Variants in FOCAD observed in about 807,000 individuals in gnomAD.
FOCAD encodes the protein focadhesin.
A neutral mutation model predicts 225.6 loss-of-function variants in FOCAD; 198 were observed. The ratio of observed to expected loss-of-function variants is 0.88; its 90% CI spans 0.78 to 0.99. The LOEUF (loss-of-function observed/expected upper bound fraction) is 0.99, where lower values mean the gene tolerates loss of function less well. FOCAD is among the 50% of genes least tolerant of loss of function. FOCAD has a pLI of 0.00. For synonymous variants in FOCAD, 897 were observed against 755.0 expected, an observed-to-expected ratio of 1.19 and a Z score of -3.08; for missense variants, 2,713 against 2,123.6, an observed-to-expected ratio of 1.28 and a Z score of -5.46.
chr9:20,915,217 C>T lies in FOCAD; in HGVS notation c.2808-1676C>T, dbSNP rs539679508. On this transcript the variant is annotated intron_variant, in intron 23 of 43. Coordinates refer to ENST00000338382, the MANE Select transcript of FOCAD (RefSeq NM_001375567.1). ...CTAGAGAGGTGAATTTAGGAAACAT[C>T]AGCATATTGATGGCATTTAAAATCA... Among the ~76,000 whole-genome samples the T allele has an allele frequency of 5.3e-4, 80 of 152,172 alleles. 1 individual carries two copies. The highest frequency in any genetic ancestry group is 1.9e-3 in the African/African-American group (77 of 41,526).
chr9:20,856,966 T>A (rs1165426634), intron 15 of FOCAD, among the ~76,000 whole-genome samples: 2 of 142,464 alleles, frequency 1.4e-5, no homozygotes, highest in East Asian at 4.2e-4. Context: ...TTTATGCCAA[T>A]ACCATGCTGT....
intron 18 of FOCAD, among the ~76,000 whole-genome samples, chr9:20,867,390 A>G (rs1419379169): frequency 6.6e-6 from 1 of 152,010 alleles, no homozygotes; most frequent in Non-Finnish European, 1.5e-5. Context: ...GTGATAAACA[A>G]TGGGATGCCA....
chr9:20,835,911 C>T (rs189796415), intron 15 of FOCAD, among the ~76,000 whole-genome samples: 25 of 152,122 alleles, frequency 1.6e-4, no homozygotes. Context: ...GGAGGAGGGG[C>T]GGCCTTTCCT....
intron 24 of FOCAD, among the ~76,000 whole-genome samples, chr9:20,919,543 G>A (rs943217928): frequency 2.0e-5 from 3 of 152,134 alleles, no homozygotes; most frequent in Non-Finnish European, 2.9e-5. Flanking sequence ...GAGGCATCAT[G>A]CTACCTGACT....
intron 10 of FOCAD, 88 bp downstream of exon 10, chr9:20,782,017 C>A: frequency 1.8e-6 from 2 of 1,137,390 alleles, no homozygotes; most frequent in South Asian, 2.6e-5. Flanking sequence ...GATGAAGCAT[C>A]TGTTTGTTAT....
At chr9:20,916,162 C>A (rs1455214136) in intron 23 of FOCAD, among the ~76,000 whole-genome samples, 1 of 151,958 alleles carries the variant, frequency 6.6e-6, no homozygotes, top group Non-Finnish European at 1.5e-5. Flanking sequence ...ATTTATAAAA[C>A]CTTCGAATTT....
At chr9:20,888,078 A>AT (rs748725244) in intron 21 of FOCAD, among the ~76,000 whole-genome samples, 4,237 of 52,638 alleles carry the variant, frequency 0.08, 220 homozygotes, top group African/African-American at 0.23. Flanking sequence ...TATTCTGGAT[A>AT]TTTTTTTTTT....
chr9:20,799,106 C>G (rs1821482098), intron 11 of FOCAD, among the ~76,000 whole-genome samples: 1 of 152,074 alleles, frequency 6.6e-6, no homozygotes, highest in South Asian at 2.1e-4. Context: ...TGTTATGTAC[C>G]CAGTAGTCCT....
chr9:20,995,388 C>T (rs1447186478), intron 43 of FOCAD, among the ~76,000 whole-genome samples, 168 bp from the exon 44 acceptor site: 1 of 151,806 alleles, frequency 6.6e-6, no homozygotes, highest in Non-Finnish European at 1.5e-5. Context: ...CAACTTTCCC[C>T]CCAACATTTA....
intron 11 of FOCAD, among the ~76,000 whole-genome samples, chr9:20,815,953 G>C (rs1384100326): frequency 6.6e-5 from 10 of 152,074 alleles, no homozygotes; most frequent in Non-Finnish European, 1.3e-4. Context: ...TGTTTTCCTA[G>C]TGAAACAGTC....
chr9:20,951,254 T>G lies in FOCAD; in HGVS notation c.4051+156T>G, dbSNP rs1837661001. Among the ~76,000 whole-genome samples the G allele has an allele frequency of 2.0e-5, 3 of 152,182 alleles. No individual in the cohort carries two copies. In the South Asian group the frequency reaches 6.2e-4, roughly 32 times the overall value. ...AGAGGGAAATGGTGTATGGAAAGGC[T>G]TCCTGACTTACCCAGGGTCATGTGA... On this transcript the variant is annotated intron_variant, in intron 34 of 43. Transcript: ENST00000338382.
At chr9:20,712,570 G>C (rs1345116872) in intron 1 of FOCAD, among the ~76,000 whole-genome samples, 1 of 151,734 alleles carries the variant, frequency 6.6e-6, no homozygotes, top group Non-Finnish European at 1.5e-5. Context: ...GCTGAGGCAG[G>C]AGAATTGCTT....
intron 15 of FOCAD, among the ~76,000 whole-genome samples, chr9:20,844,434 C>G (rs1175287450): frequency 7.8e-6 from 1 of 127,600 alleles, no homozygotes; most frequent in East Asian, 2.5e-4. Context: ...GATCTCGGCT[C>G]ACTGCAACCT....
At chr9:20,695,553 C>G (rs1272140041) in intron 1 of FOCAD, among the ~76,000 whole-genome samples, 1 of 152,108 alleles carries the variant, frequency 6.6e-6, no homozygotes, top group Non-Finnish European at 1.5e-5. Flanking sequence ...TACACGTACA[C>G]AGTCTTCAGT....
chr9:20,890,807 C>A (rs923794796), intron 21 of FOCAD, among the ~76,000 whole-genome samples: 2 of 151,970 alleles, frequency 1.3e-5, no homozygotes, highest in Admixed American at 1.3e-4. Context: ...ATGGAGTTTT[C>A]TTTATAGGAC....
intron 15 of FOCAD, among the ~76,000 whole-genome samples, chr9:20,833,212 C>T (rs1257013391): frequency 6.6e-6 from 1 of 151,862 alleles, no homozygotes; most frequent in African/African-American, 2.4e-5. Context: ...GAGGTGATAT[C>T]TCATAGTGGT....
At chr9:20,804,831 C>A (rs1233118884) in intron 11 of FOCAD, among the ~76,000 whole-genome samples, 1 of 147,456 alleles carries the variant, frequency 6.8e-6, no homozygotes, top group Non-Finnish European at 1.5e-5. Context: ...TCATTCTTTG[C>A]TGCTTGCATG....
chr9:20,952,990 A>G lies in FOCAD; in HGVS notation c.4057A>G (p.Thr1353Ala), dbSNP rs1212760829. The G allele has an allele frequency of 1.9e-6, 3 of 1,613,184 alleles. No homozygotes were observed. Among genetic ancestry groups the G allele is most frequent in the Admixed American group, 3.3e-5 (2 of 59,942 alleles). ...SSSQSRASVP[T>A]DYSYLPESSF... ...ATCATTTTCTGTCTCCACAGTTCCT[A>G]CTGACTATAGCTACTTGCCTGAAAG... The change falls in exon 35 of 44, where the codon ACT (threonine) becomes GCT (alanine). Residue 1353 changes from threonine (T) to alanine (A), a missense_variant. By Grantham distance (58) the Thr-to-Ala change is moderately conservative. Transcript: ENST00000338382.
intron 24 of FOCAD, among the ~76,000 whole-genome samples, chr9:20,922,270 C>G (rs1485544613): frequency 2.6e-5 from 4 of 152,104 alleles, no homozygotes; most frequent in Non-Finnish European, 4.4e-5. Flanking sequence ...ATTTTCTCCT[C>G]CAACCCTCCC....
Sources: gnomAD v4.1 joint callset for allele counts (sites outside exome capture counted in the v4.1 genomes callset) on GRCh38, gnomAD v4.1.1 for gene constraint, MANE v1.5 for transcripts, NCBI Gene and HGNC (gene_info 2026-07-23, HGNC 2026-07-21) for gene names.